The following PKD2L1 variants were observed in gnomAD, a reference collection of about 807,000 sequenced individuals.
The protein encoded by PKD2L1 is polycystin 2 like 1, transient receptor potential cation channel.
Under a neutral mutation model 93.0 loss-of-function variants are expected in PKD2L1, and 77 were observed. The observed-to-expected ratio is 0.83, with a 90% CI of 0.69 to 1.00. The LOEUF (loss-of-function observed/expected upper bound fraction) is 1.00, where lower values mean the gene tolerates loss of function less well. PKD2L1 is among the 50% of genes least tolerant of loss of function. PKD2L1 has a pLI of 0.00. For missense variants in PKD2L1, 977 were observed against 990.9 expected (o/e 0.99, Z 0.19); for synonymous variants, 390 against 388.0 (o/e 1.01, Z -0.06).
rs147847687 is a variant in PKD2L1, at chr10:100,329,925, G to A, written c.179C>T (p.Thr60Met). The A allele has an allele frequency of 2.0e-4, 321 of 1,613,932 alleles. No homozygotes were observed. The highest frequency in any genetic ancestry group is 4.5e-4 in the Admixed American group (27 of 60,010). The change falls in exon 1 of 16, where the codon ACG (threonine) becomes ATG (methionine). Residue 60 changes from threonine (T) to methionine (M), a missense_variant. Transcript: ENST00000318222. ...PKKPEDEPQETAYRTQVSSCC... is the reference protein window; with the variant it reads ...PKKPEDEPQEMAYRTQVSSCC... ...GCTGGACACCTGGGTCCTGTATGCC[G>A]TCTCCTGGGGTTCATCTTCAGGCTT...
intron 2 of PKD2L1, among the ~76,000 whole-genome samples, chr10:100,324,536 C>A (rs1355888370): frequency 3.3e-5 from 5 of 152,158 alleles, no homozygotes. Flanking sequence ...AGTATGTAAC[C>A]TTTTCAGATT....
chr10:100,326,591 G>A (rs758723911), intron 2 of PKD2L1, among the ~76,000 whole-genome samples: 1 of 152,196 alleles, frequency 6.6e-6, no homozygotes, highest in Admixed American at 6.5e-5. Flanking sequence ...GGCATATTTT[G>A]TCCAGTGCCA....
Position 100,330,177 on chromosome 10 carries a change from C to T in PKD2L1, c.-74G>A. On this transcript the variant is annotated 5_prime_UTR_variant, in exon 1 of 16. Coordinates refer to ENST00000318222, the MANE Select transcript of PKD2L1 (RefSeq NM_016112.3). ...AGAGGAAGAGGGAGCAGAGGCACAG[C>T]CCAGCCTAGCCAGCAGAGAGCAAAT... is the stretch of plus-strand genomic sequence containing the variant. The T allele has an allele frequency of 2.2e-6, 2 of 911,336 alleles. No homozygotes were observed. Among genetic ancestry groups the T allele is most frequent in the South Asian group, 1.6e-5 (1 of 60,802 alleles). 56.5% of individuals were successfully genotyped at this position (911,336 alleles called of 1,614,324 possible). A position where few individuals can be genotyped will look rare whatever the true frequency, so the allele number is the denominator to read the frequency against.
In PKD2L1 at chr10:100,289,024, T is replaced by C. The variant is rs550031445; in HGVS notation, c.2283A>G (p.Pro761=). The change falls in exon 15 of 16, where the codon CCA becomes CCG. Residue 761 remains proline, a synonymous_variant. Transcript: ENST00000318222. ...KEQAIWKHPQ[P]APAVTPDPWG... The stretch of plus-strand genomic sequence containing the variant: ...AGGGGTCTGGGGTCACAGCTGGGGC[T>C]GGCTGCGGGTGCTTCCAAATAGCTT... 7.4e-6 allele frequency: 12 copies of C among 1,613,286 alleles called. No homozygotes were observed. In the African/African-American group the frequency reaches 1.5e-4, roughly 20 times the overall value.
intron 2 of PKD2L1, among the ~76,000 whole-genome samples, chr10:100,315,038 A>G (rs1849060964): frequency 3.9e-4 from 4 of 10,278 alleles, no homozygotes; most frequent in African/African-American, 1.3e-3. Flanking sequence ...AGGGAAGGGA[A>G]GGGAAGGGAA....
chr10:100,304,343 C>T (rs1228071735), intron 2 of PKD2L1, among the ~76,000 whole-genome samples: 2 of 152,164 alleles, frequency 1.3e-5, no homozygotes, highest in East Asian at 3.8e-4. Context: ...ATTTCTAATA[C>T]CTCCGATGTT....
In PKD2L1 at chr10:100,290,217, G is replaced by A; in HGVS notation, c.2127-79C>T. On this transcript the variant is annotated intron_variant, in intron 13 of 15. Transcript: ENST00000318222. The stretch of plus-strand genomic sequence containing the variant: ...GATGTCTAAAGAGCCAGGGTTCACA[G>A]AAGGGCATGTGTCCTGAATGGAACA... 3 of 1,565,990 alleles carry A rather than the reference G, an allele frequency of 1.9e-6. No individual in the cohort carries two copies. In the Admixed American group the frequency reaches 5.0e-5, roughly 26 times the overall value.
intron 2 of PKD2L1, among the ~76,000 whole-genome samples, chr10:100,312,334 C>T (rs767804066): frequency 1.6e-4 from 25 of 152,134 alleles, no homozygotes; most frequent in East Asian, 1.9e-4. Context: ...ACCTATGACA[C>T]ATGGCCAGTT....
rs1427122870 is a variant in PKD2L1, at chr10:100,321,754, AGAAGGGAGGGAGGGAGGGAGGGAG to A, written c.349+7433_349+7456del. On this transcript the variant is annotated intron_variant, in intron 2 of 15. Coordinates refer to ENST00000318222, the MANE Select transcript of PKD2L1 (RefSeq NM_016112.3). ...AAGAAAGAAAGAAAGAAAGAAAGAAAGAAGGGAGGGAGGGAGGGAGGGAGGGAGGGAGGGAGGGAGGGAGGGAGG... is the reference window on the plus strand; with the variant it reads ...AAGAAAGAAAGAAAGAAAGAAAGAAAGGAGGGAGGGAGGGAGGGAGGGAGG... 5.5e-4 allele frequency among the ~76,000 whole-genome samples: 2 copies of A among 3,624 alleles called. 1 individual carries two copies. Among genetic ancestry groups the A allele is most frequent in the Non-Finnish European group, 1.2e-3 (2 of 1,688 alleles). 2.4% of individuals were successfully genotyped at this position (3,624 alleles called of 152,430 possible).
chr10:100,294,457 C>A, intron 9 of PKD2L1, 78 bp downstream of exon 9: 1 of 1,486,686 alleles, frequency 6.7e-7, no homozygotes, highest in Admixed American at 1.7e-5. Context: ...ACTTATCAAT[C>A]CTGAGTGAGG....
intron 2 of PKD2L1, among the ~76,000 whole-genome samples, chr10:100,303,292 C>T (rs1482166196): frequency 6.8e-6 from 1 of 146,874 alleles, no homozygotes; most frequent in Non-Finnish European, 1.5e-5. Context: ...CTCCTGGGTT[C>T]AAGCAATTCT....
At chr10:100,319,757 G>T (rs1410838036) in intron 2 of PKD2L1, among the ~76,000 whole-genome samples, 1 of 152,206 alleles carries the variant, frequency 6.6e-6, no homozygotes, top group African/African-American at 2.4e-5. Context: ...AAGGTTGAGG[G>T]TCTCTGCCCT....
At chr10:100,301,464 C>A (rs1043674251) in intron 2 of PKD2L1, among the ~76,000 whole-genome samples, 2 of 150,812 alleles carry the variant, frequency 1.3e-5, no homozygotes, top group African/African-American at 4.9e-5. Context: ...GCCCCCCCCC[C>A]GGGAATGCAT....
Position 100,329,254 on chromosome 10 carries a change from C to T in PKD2L1, c.306G>A (p.Arg102=), listed in dbSNP as rs150753223. The T allele has an allele frequency of 2.5e-6, 4 of 1,613,972 alleles. No individual in the cohort carries two copies. In the African/African-American group the frequency reaches 5.3e-5, roughly 22 times the overall value. The stretch of plus-strand genomic sequence containing the variant: ...GGAACACAATATATACCAACAGCTC[C>T]CTCAGGGTGGTCTTGATATAAAGTT... ...NRELYIKTTL[R]ELLVYIVFLV... Residue 102 remains arginine (R), a synonymous_variant, in exon 2 of 16, where the codon AGG becomes AGA. Coordinates refer to ENST00000318222, the MANE Select transcript of PKD2L1 (RefSeq NM_016112.3).
intron 2 of PKD2L1, among the ~76,000 whole-genome samples, chr10:100,314,943 AAAAG>A (rs199832659): frequency 0.28 from 29,241 of 103,956 alleles, 5,133 homozygotes; most frequent in Non-Finnish European, 0.34. Context: ...GCTAAGGCAG[AAAAG>A]AAAGAAAGAA....
intron 2 of PKD2L1, among the ~76,000 whole-genome samples, chr10:100,327,057 A>G (rs1849395360): frequency 6.6e-6 from 1 of 152,212 alleles, no homozygotes; most frequent in Non-Finnish European, 1.5e-5. Context: ...AAGTTCTGAA[A>G]AGGAAGTGAG....
rs368329269 is a variant in PKD2L1 at position 100,298,866 on chromosome 10, C to G, written c.478-51G>C. On this transcript the variant is annotated intron_variant, in intron 3 of 15. Coordinates refer to ENST00000318222, the MANE Select transcript of PKD2L1 (RefSeq NM_016112.3). ...TACCCAGCCTCCTCCTGACCCCCTA[C>G]CTTTAGAATGACCTTTGCCCTCATC... 1.2e-5 allele frequency: 19 copies of G among 1,565,938 alleles called. No individual in the cohort carries two copies. In the Admixed American group the frequency reaches 1.3e-4, roughly 10 times the overall value.
rs79427443 is a variant in PKD2L1 at position 100,311,790 on chromosome 10, G to A, written c.350-12072C>T. ...AAAGAATATCAGAGGTCTGGGGTGC[G>A]TCTGCCAGTAAGTGTACATAGTTCC... On this transcript the variant is annotated intron_variant, in intron 2 of 15. Coordinates refer to ENST00000318222, the MANE Select transcript of PKD2L1 (RefSeq NM_016112.3). Among the ~76,000 whole-genome samples, 903 of 152,246 alleles carry A rather than the reference G, an allele frequency of 5.9e-3. 17 individuals carry two copies. The East Asian group carries it at 0.06, about 10-fold the overall frequency.
intron 2 of PKD2L1, among the ~76,000 whole-genome samples, chr10:100,307,660 AAAAAAT>A (rs1848835816): frequency 6.6e-6 from 1 of 152,192 alleles, no homozygotes; most frequent in South Asian, 2.1e-4. Context: ...ACACTGCCTC[AAAAAAT>A]AAAAATAAAA....
Sources: gnomAD v4.1 joint callset for allele counts (sites outside exome capture counted in the v4.1 genomes callset) on GRCh38, gnomAD v4.1.1 for gene constraint, MANE v1.5 for transcripts, NCBI Gene and HGNC (gene_info 2026-07-23, HGNC 2026-07-21) for gene names.